LNX1: variants seen among roughly 807,000 people sequenced by gnomAD.
The protein encoded by LNX1 is ligand of numb-protein X 1, also known as E3 ubiquitin-protein ligase LNX.
LNX1 carries 54 observed loss-of-function variants against 68.4 expected under a neutral mutation model. The observed-to-expected ratio is 0.79, with a 90% CI of 0.63 to 0.99. LNX1 has a LOEUF of 0.99. Ranked by LOEUF, LNX1 falls within the 50% of genes least tolerant of loss-of-function variation. The probability of loss-of-function intolerance (pLI) is 0.00; values close to 1 mark genes in which losing one functional copy is unlikely to be tolerated. For synonymous variants in LNX1, 336 were observed against 350.0 expected (o/e 0.96, Z 0.45); for missense variants, 906 against 926.4 (o/e 0.98, Z 0.29).
intron 2 of LNX1, among the ~76,000 whole-genome samples, chr4:53,545,802 ATT>A (rs71197029): frequency 0.26 from 29,083 of 111,304 alleles, 3,227 homozygotes; most frequent in Non-Finnish European, 0.3. Context: ...CAGAGGCCAC[ATT>A]TTTTTTTTTT....
chr4:53,535,409 C>T (rs1343433373), intron 2 of LNX1, among the ~76,000 whole-genome samples: 3 of 152,174 alleles, frequency 2.0e-5, no homozygotes, highest in Admixed American at 6.5e-5. Context: ...CTCTCCCGTC[C>T]ATCAAGAATA....
At chr4:53,579,270 G>A (rs1033728494) in intron 1 of LNX1, 14 of 984,626 alleles carry the variant, frequency 1.4e-5, no homozygotes, top group African/African-American at 1.2e-4. Flanking sequence ...TGATGGGTAC[G>A]GTGGAAATCT....
rs752665620 is a variant in LNX1, at chr4:53,478,664, C to A, written c.1564G>T (p.Val522Phe). ...KDPGESLGMT[V>F]AGGASHREWD... ...TCTCTATGTGATGCTCCCCCTGCGACGGTCATGCCGAGAGATTCACCGGGG... is the reference window on the plus strand; with the variant it reads ...TCTCTATGTGATGCTCCCCCTGCGAAGGTCATGCCGAGAGATTCACCGGGG... Residue 522 changes from valine to phenylalanine, a missense_variant, in exon 8 of 11, where the codon GTC (valine) becomes TTC (phenylalanine). Val to Phe is a conservative substitution (Grantham distance 50, BLOSUM62 -1). Transcript: ENST00000263925. 3.1e-6 allele frequency: 5 copies of A among 1,614,062 alleles called. No homozygotes were observed. The highest frequency in any genetic ancestry group is 4.2e-6 in the Non-Finnish European group (5 of 1,179,966).
chr4:53,507,353 C>T lies in LNX1; in HGVS notation c.739G>A (p.Gly247Ser). Residue 247 changes from glycine to serine, a missense_variant, in exon 4 of 11, where the codon GGC becomes AGC. By Grantham distance (56) the Gly-to-Ser change is moderately conservative. Transcript: ENST00000263925. ...GTGGTGTTTTCAGAATTTTCCCTGC[C>T]CTGGTCGGCATGGTTGGCAACTGCA... The part of the protein sequence containing the change: ...GSAVANHADQ[G>S]RENSENTTAP... 1 of 1,614,088 alleles carries T rather than the reference C, an allele frequency of 6.2e-7. No homozygotes were observed. Among genetic ancestry groups the T allele is most frequent in the Non-Finnish European group, 8.5e-7 (1 of 1,180,016 alleles).
chr4:53,461,424 A>G lies in LNX1; in HGVS notation c.2051+11T>C. ...TTAATACAAGTATTTTTGATTAGTCATTATTATTACCTAATTCTTCCATCA... is the reference window on the plus strand; with the variant it reads ...TTAATACAAGTATTTTTGATTAGTCGTTATTATTACCTAATTCTTCCATCA... On this transcript the variant is annotated intron_variant, in intron 10 of 10. Coordinates refer to ENST00000263925, the MANE Select transcript of LNX1 (RefSeq NM_001126328.3). 1.3e-6 allele frequency: 2 copies of G among 1,590,880 alleles called. No homozygotes were observed. Among genetic ancestry groups the G allele is most frequent in the Non-Finnish European group, 1.7e-6 (2 of 1,165,598 alleles).
rs149444029 is a variant in LNX1 at position 53,496,090 on chromosome 4, C to T, written c.1283G>A (p.Arg428His). ...ATCATGTCCATTGATGGCTAACACA[C>T]GGTCATTCTCCTCAAGCTGACCATG... ...YRHGQLEEND[R>H]VLAINGHDLR... Residue 428 changes from arginine to histidine, a missense_variant, in exon 6 of 11, where the codon CGT becomes CAT. By Grantham distance (29) the Arg-to-His change is conservative. Transcript: ENST00000263925. 1,667 of 1,614,164 alleles carry T rather than the reference C, an allele frequency of 1.0e-3. 19 individuals are homozygous for T. The highest frequency in any genetic ancestry group is 2.2e-4 in the Non-Finnish European group (256 of 1,180,016).
rs537465067 is a variant in LNX1, at chr4:53,578,229, G to C, written c.-86-4141C>G. Among the ~76,000 whole-genome samples, 3 of 152,182 alleles carry C rather than the reference G, an allele frequency of 2.0e-5. No individual in the cohort carries two copies. The South Asian group carries it at 6.2e-4, about 32-fold the overall frequency. On this transcript the variant is annotated intron_variant, in intron 1 of 10. Transcript: ENST00000263925. ...ATTAGAAAGCTTTAAATCTCTTCAG[G>C]CTCTATTGCAAGTAGAATCATGTGT...
chr4:53,540,087 C>T (rs1728644378), intron 2 of LNX1, among the ~76,000 whole-genome samples: 3 of 152,184 alleles, frequency 2.0e-5, no homozygotes. Flanking sequence ...CCCATTCTTG[C>T]TAACAACTCC....
At chr4:53,580,322 C>T (rs1264356486) in intron 1 of LNX1, among the ~76,000 whole-genome samples, 1 of 152,188 alleles carries the variant, frequency 6.6e-6, no homozygotes, top group East Asian at 1.9e-4. Flanking sequence ...GGGCGAGTAG[C>T]CTCGGGTTCA....
chr4:53,573,900 C>T lies in LNX1; in HGVS notation c.103G>A (p.Val35Met), dbSNP rs778857937. Residue 35 changes from valine to methionine, a missense_variant, in exon 2 of 11, where the codon GTG becomes ATG. Coordinates refer to ENST00000263925, the MANE Select transcript of LNX1 (RefSeq NM_001126328.3). ...ENHFYSYPEE[V>M]DDDLICHICL... is the part of the protein sequence containing the mutation. ...ATGTGGCAGATGAGGTCATCATCCA[C>T]TTCCTCTGGATAGCTGTAGAAGTGG... 1 of 1,613,814 alleles carries T rather than the reference C, an allele frequency of 6.2e-7. No individual in the cohort carries two copies. Among genetic ancestry groups the T allele is most frequent in the Admixed American group, 1.7e-5 (1 of 59,996 alleles).
Position 53,496,042 on chromosome 4 carries a change from C to T in LNX1, c.1331G>A (p.Ser444Asn), listed in dbSNP as rs1204311242. The change falls in exon 6 of 11, where the codon AGT (serine) becomes AAT (asparagine). Residue 444 changes from serine to asparagine, a missense_variant. Coordinates refer to ENST00000263925, the MANE Select transcript of LNX1 (RefSeq NM_001126328.3). ...ACTCACCTGAATCAGATGAGCCGCACTTTCTGGGCTGCCATATCGAAGATC... is the reference window on the plus strand; with the variant it reads ...ACTCACCTGAATCAGATGAGCCGCATTTTCTGGGCTGCCATATCGAAGATC... ...GHDLRYGSPE[S>N]AAHLIQASER... 14 of 1,613,416 alleles carry T rather than the reference C, an allele frequency of 8.7e-6. No homozygotes were observed. Among genetic ancestry groups the T allele is most frequent in the Admixed American group, 1.7e-5 (1 of 59,992 alleles).
At chr4:53,477,991 T>C (rs1267351346) in intron 8 of LNX1, among the ~76,000 whole-genome samples, 1 of 152,172 alleles carries the variant, frequency 6.6e-6, no homozygotes, top group Non-Finnish European at 1.5e-5. Context: ...CTTGAATGAA[T>C]TGACAATATT....
Position 53,507,473 on chromosome 4 carries a change from A to C in LNX1, c.623-4T>G. Reference sequence around the variant, plus strand: ...GTGGATCTCTCAAAGGGCCGTGCTGAGGAATAGCGACAGGAGGAACAGTAG... The same window carrying C: ...GTGGATCTCTCAAAGGGCCGTGCTGCGGAATAGCGACAGGAGGAACAGTAG... On this transcript the variant is annotated splice_region_variant and splice_polypyrimidine_tract_variant and intron_variant, in intron 3 of 10. Coordinates refer to ENST00000263925, the MANE Select transcript of LNX1 (RefSeq NM_001126328.3). 6.2e-7 allele frequency: 1 copy of C among 1,613,596 alleles called. No homozygotes were observed. Among genetic ancestry groups the C allele is most frequent in the Non-Finnish European group, 8.5e-7 (1 of 1,179,628 alleles).
At chr4:53,629,421 A>G (rs1484528764) in intron 1 of LNX1, among the ~76,000 whole-genome samples, 1 of 152,096 alleles carries the variant, frequency 6.6e-6, no homozygotes, top group Non-Finnish European at 1.5e-5. Flanking sequence ...CTCACCCTGG[A>G]TCTTTCTGTC....
chr4:53,586,984 C>T (rs1732209443), intron 1 of LNX1, among the ~76,000 whole-genome samples: 1 of 152,172 alleles, frequency 6.6e-6, no homozygotes, highest in Non-Finnish European at 1.5e-5. Context: ...CACAAATCCT[C>T]TTTGTCATTC....
At chr4:53,480,622 A>G (rs922784174) in intron 7 of LNX1, among the ~76,000 whole-genome samples, 1 of 152,194 alleles carries the variant, frequency 6.6e-6, no homozygotes, top group African/African-American at 2.4e-5. Flanking sequence ...TGGTCTGTCT[A>G]GACTCCTTAT....
chr4:53,508,332 A>T (rs1258627047), intron 2 of LNX1, 105 bp from the exon 3 acceptor site: 2 of 1,423,100 alleles, frequency 1.4e-6, no homozygotes, highest in Non-Finnish European at 1.9e-6. Flanking sequence ...AGGCTTGTTG[A>T]ACTTGGAATT....
At chr4:53,461,085 C>T (rs776777903) in intron 10 of LNX1, 43 bp from the exon 11 acceptor site, 11 of 1,501,726 alleles carry the variant, frequency 7.3e-6, no homozygotes, top group Middle Eastern at 1.8e-4. Context: ...TATTTTAATT[C>T]GTTGCTGAAG....
At chr4:53,472,691 A>AC (rs1560614588) in intron 9 of LNX1, among the ~76,000 whole-genome samples, 65 of 137,470 alleles carry the variant, frequency 4.7e-4, no homozygotes, top group African/African-American at 1.6e-3. Context: ...ACAACAAAAA[A>AC]AAAAAAAACA....
Sources: gnomAD v4.1 joint callset for allele counts (sites outside exome capture counted in the v4.1 genomes callset) on GRCh38, gnomAD v4.1.1 for gene constraint, MANE v1.5 for transcripts, NCBI Gene and HGNC (gene_info 2026-07-23, HGNC 2026-07-21) for gene names.